The following STARD8 variants were observed in gnomAD, a reference collection of about 807,000 sequenced individuals.
STARD8 encodes the protein StAR related lipid transfer domain containing 8.
STARD8 carries 25 observed loss-of-function variants against 69.4 expected under a neutral mutation model. The observed-to-expected ratio is 0.36, with a 90% CI of 0.26 to 0.50. The LOEUF (loss-of-function observed/expected upper bound fraction) is 0.50. Ranked by LOEUF, STARD8 falls within the 20% of genes least tolerant of loss-of-function variation. STARD8 has a pLI of 0.96. For synonymous variants in STARD8, 389 were observed against 374.6 expected (o/e 1.04, Z -0.45); for missense variants, 921 against 932.5 (o/e 0.99, Z 0.16).
At position 68,724,740 on chromosome X, in the gene STARD8, C is replaced by T. The variant is rs1485911391; in HGVS notation, c.*318C>T. ...GTGAGGCCGCCACTTGGCATGAAGC[C>T]TCCACAGCTCCCCGCCTGCAGGGGC... On this transcript the variant is annotated 3_prime_UTR_variant, in exon 15 of 15. Coordinates refer to ENST00000374599, the MANE Select transcript of STARD8 (RefSeq NM_001142503.3). 9.7e-6 allele frequency: 2 copies of T among 205,478 alleles called. No individual in the cohort carries two copies. The highest frequency in any genetic ancestry group is 1.8e-5 in the Non-Finnish European group (2 of 114,033). The allele number at this position is 205,478 out of a possible 1,213,427, so 16.9% of individuals were successfully genotyped here.
intron 2 of STARD8, among the ~76,000 whole-genome samples, chrX:68,691,878 T>A (rs2079879189): frequency 8.9e-6 from 1 of 112,684 alleles, no homozygotes; most frequent in African/African-American, 3.2e-5. Flanking sequence ...GATTGTCATT[T>A]ATTTTTGGTT....
chrX:68,704,514 T>A (rs1187209239), intron 2 of STARD8, among the ~76,000 whole-genome samples: 1 of 110,805 alleles, frequency 9.0e-6, no homozygotes, highest in Non-Finnish European at 1.9e-5. Context: ...AGGGCTGAAG[T>A]AATCCAGGCA....
chrX:68,651,732 G>A (rs2079548949), intron 1 of STARD8, among the ~76,000 whole-genome samples: 1 of 110,956 alleles, frequency 9.0e-6, no homozygotes, highest in Non-Finnish European at 1.9e-5. Flanking sequence ...CACACCCACA[G>A]GCACACATAC....
At chrX:68,699,145 G>A (rs1027254603) in intron 2 of STARD8, among the ~76,000 whole-genome samples, 7 of 111,621 alleles carry the variant, frequency 6.3e-5, no homozygotes, top group African/African-American at 9.8e-5. Flanking sequence ...CCCCTGGGTC[G>A]TACCAGCCCA....
In STARD8 at chrX:68,723,733, G is replaced by A. The variant is rs772775456; in HGVS notation, c.2907G>A (p.Glu969=). Residue 969 remains glutamate (E), a synonymous_variant, in exon 13 of 15, where the codon GAG becomes GAA. Coordinates refer to ENST00000374599, the MANE Select transcript of STARD8 (RefSeq NM_001142503.3). ...RVLRERALWD[E]DLLRAQVLEA... ...TCCGGGAGCGGGCCCTCTGGGATGAGGATCTGCTGCGGGCCCAGGTGCTGG... is the reference window on the plus strand; with the variant it reads ...TCCGGGAGCGGGCCCTCTGGGATGAAGATCTGCTGCGGGCCCAGGTGCTGG... 1 of 1,186,917 alleles carries A rather than the reference G, an allele frequency of 8.4e-7. No individual in the cohort carries two copies. The highest frequency in any genetic ancestry group is 1.8e-5 in the African/African-American group (1 of 56,706).
intron 1 of STARD8, among the ~76,000 whole-genome samples, chrX:68,655,658 G>A (rs1222601987): frequency 8.9e-6 from 1 of 111,994 alleles, no homozygotes; most frequent in Non-Finnish European, 1.9e-5. Flanking sequence ...CAAGAGAGTT[G>A]TGAGGTGGCT....
Position 68,647,765 on chromosome X carries a change from C to G in STARD8, c.-118C>G. The G allele has an allele frequency of 2.1e-6, 2 of 932,418 alleles. No homozygotes were observed. Among genetic ancestry groups the G allele is most frequent in the Non-Finnish European group, 2.9e-6 (2 of 682,471 alleles). The allele number at this position is 932,418 out of a possible 1,213,427, so 76.8% of individuals were successfully genotyped here. Reference sequence around the variant, plus strand: ...CCCCTCGCGGGGCCGGCTCATGGAGCGCAGGGACCGGGCTGGCTCTCGCCG... The same window carrying G: ...CCCCTCGCGGGGCCGGCTCATGGAGGGCAGGGACCGGGCTGGCTCTCGCCG... On this transcript the variant is annotated 5_prime_UTR_variant, in exon 1 of 15. Coordinates refer to ENST00000374599, the MANE Select transcript of STARD8 (RefSeq NM_001142503.3).
intron 1 of STARD8, among the ~76,000 whole-genome samples, chrX:68,662,229 G>A (rs1392693979): frequency 1.8e-5 from 2 of 109,504 alleles, no homozygotes; most frequent in African/African-American, 6.7e-5. Flanking sequence ...GGCTGGTCTC[G>A]AACTCCCGAC....
chrX:68,668,101 C>CTTTCT (rs1556021514), intron 2 of STARD8, among the ~76,000 whole-genome samples: 1,044 of 96,765 alleles, frequency 0.011, 12 homozygotes, highest in Middle Eastern at 0.02. Flanking sequence ...TTCTTTCTTT[C>CTTTCT]TTTCTTTCTT....
chrX:68,699,376 G>T (rs1316696555), intron 2 of STARD8, among the ~76,000 whole-genome samples: 1 of 112,460 alleles, frequency 8.9e-6, no homozygotes, highest in Non-Finnish European at 1.9e-5. Context: ...TTCAATACCT[G>T]GGAATGTGAT....
intron 10 of STARD8, 110 bp downstream of exon 10, chrX:68,721,856 G>A (rs1248867774): frequency 8.0e-6 from 7 of 876,096 alleles, no homozygotes; most frequent in Middle Eastern, 4.0e-4. Context: ...CTCACCACAA[G>A]GAGTGAGCCT....
intron 1 of STARD8, among the ~76,000 whole-genome samples, chrX:68,652,974 ACACAC>A (rs2079565872): frequency 1.9e-5 from 1 of 53,182 alleles, no homozygotes; most frequent in Non-Finnish European, 3.4e-5. Context: ...ACCACACACC[ACACAC>A]CACACACACA....
Position 68,717,575 on chromosome X carries a change from A to G in STARD8, c.661A>G (p.Lys221Glu). The G allele has an allele frequency of 8.3e-7, 1 of 1,211,803 alleles. No homozygotes were observed. The highest frequency in any genetic ancestry group is 3.0e-5 in the East Asian group (1 of 33,830). ...KHLESLRRKEKSGSQQAEPKH... is the reference protein window; with the variant it reads ...KHLESLRRKEESGSQQAEPKH... ...CCTTGAATCTCTGAGGCGGAAGGAAAAGAGTGGCAGCCAGCAAGCAGAGCC... is the reference window on the plus strand; with the variant it reads ...CCTTGAATCTCTGAGGCGGAAGGAAGAGAGTGGCAGCCAGCAAGCAGAGCC... The change falls in exon 6 of 15, where the codon AAG (lysine) becomes GAG (glutamate). Residue 221 changes from lysine (K) to glutamate (E), a missense_variant. By Grantham distance (56) the Lys-to-Glu change is moderately conservative. Transcript: ENST00000374599.
At chrX:68,691,526 G>A (rs965298332) in intron 2 of STARD8, among the ~76,000 whole-genome samples, 1 of 112,093 alleles carries the variant, frequency 8.9e-6, no homozygotes, top group Non-Finnish European at 1.9e-5. Context: ...GATCAAAAAA[G>A]ACCAAAAGAA....
chrX:68,712,904 T>A lies in STARD8; in HGVS notation c.80-10T>A. 1.7e-6 allele frequency: 2 copies of A among 1,201,462 alleles called. No individual in the cohort carries two copies. Among genetic ancestry groups the A allele is most frequent in the Non-Finnish European group, 2.2e-6 (2 of 889,840 alleles). On this transcript the variant is annotated splice_polypyrimidine_tract_variant and intron_variant, in intron 2 of 14. Coordinates refer to ENST00000374599, the MANE Select transcript of STARD8 (RefSeq NM_001142503.3). ...TTCTTTGCCTGTTTCTTTCCCTTGT[T>A]CTGTTTTAGAAGCCGAGGCCAAAAG...
chrX:68,704,483 G>A (rs970917641), intron 2 of STARD8, among the ~76,000 whole-genome samples: 47 of 111,023 alleles, frequency 4.2e-4, no homozygotes, highest in Non-Finnish European at 9.4e-5. Context: ...TGAAAGGAGA[G>A]GCTGGAGGCT....
At chrX:68,671,224 A>G (rs1480547619) in intron 2 of STARD8, among the ~76,000 whole-genome samples, 3 of 112,421 alleles carry the variant, frequency 2.7e-5, no homozygotes, top group Non-Finnish European at 3.8e-5. Context: ...TCTGAGCCCC[A>G]TGGGACAACT....
intron 2 of STARD8, among the ~76,000 whole-genome samples, chrX:68,698,433 T>C (rs2079939775): frequency 9.0e-6 from 1 of 111,507 alleles, no homozygotes; most frequent in South Asian, 3.8e-4. Context: ...TCAGTACAGC[T>C]GTGGGTCCCT....
chrX:68,724,134 G>A lies in STARD8; in HGVS notation c.3194+13G>A. 3 of 1,204,841 alleles carry A rather than the reference G, an allele frequency of 2.5e-6. No homozygotes were observed. Among genetic ancestry groups the A allele is most frequent in the Non-Finnish European group, 3.4e-6 (3 of 891,445 alleles). ...GGGCTGACCTCAGGTATCAGGCCTGGGACAGCCTGCTCGACCCCCTTGGCC... is the reference window on the plus strand; with the variant it reads ...GGGCTGACCTCAGGTATCAGGCCTGAGACAGCCTGCTCGACCCCCTTGGCC... On this transcript the variant is annotated intron_variant, in intron 14 of 14. Coordinates refer to ENST00000374599, the MANE Select transcript of STARD8 (RefSeq NM_001142503.3).
Sources: gnomAD v4.1 joint callset for allele counts (sites outside exome capture counted in the v4.1 genomes callset) on GRCh38, gnomAD v4.1.1 for gene constraint, MANE v1.5 for transcripts, NCBI Gene and HGNC (gene_info 2026-07-23, HGNC 2026-07-21) for gene names.